The following GRIK4 variants were observed in gnomAD, a reference collection of about 807,000 sequenced individuals.
GRIK4 encodes glutamate receptor ionotropic, kainate 4.
A neutral mutation model predicts 104.9 loss-of-function variants in GRIK4; 40 were observed. The ratio of observed to expected loss-of-function variants is 0.38; its 90% CI spans 0.30 to 0.50. GRIK4 has a LOEUF of 0.50. GRIK4 is among the 20% of genes least tolerant of loss of function. GRIK4 has a pLI of 0.93. For synonymous variants in GRIK4, 485 were observed against 524.9 expected (o/e 0.92, Z 1.04); for missense variants, 1,047 against 1,308.1 (o/e 0.80, Z 3.08).
At chr11:120,580,222 TC>T (rs1948554953) in intron 1 of GRIK4, among the ~76,000 whole-genome samples, 1 of 139,566 alleles carries the variant, frequency 7.2e-6, no homozygotes, top group African/African-American at 3.3e-5. Context: ...TTTCTTTCTT[TC>T]TTTCTTTCTT....
At chr11:120,871,318 G>A in intron 9 of GRIK4, 1 of 288,346 alleles carries the variant, frequency 3.5e-6, no homozygotes, top group Non-Finnish European at 6.9e-6. Flanking sequence ...CATGTGCTCA[G>A]GGGAAAGCGA....
chr11:120,842,771 G>A (rs1591981274), intron 8 of GRIK4, among the ~76,000 whole-genome samples: 2 of 152,234 alleles, frequency 1.3e-5, no homozygotes, highest in East Asian at 3.8e-4. Flanking sequence ...TTGGTTGGGG[G>A]AAACCTTTGT....
At chr11:120,979,799 G>A (rs1944620399) in intron 19 of GRIK4, among the ~76,000 whole-genome samples, 1 of 152,130 alleles carries the variant, frequency 6.6e-6, no homozygotes, top group Non-Finnish European at 1.5e-5. Context: ...CAAGAGGAAT[G>A]CGAGACCCTC....
At chr11:120,761,076 C>T (rs535522974) in intron 3 of GRIK4, among the ~76,000 whole-genome samples, 47 of 152,232 alleles carry the variant, frequency 3.1e-4, no homozygotes, top group African/African-American at 9.6e-4. Flanking sequence ...AGTGTAAAAA[C>T]GTTCCTATTT....
intron 8 of GRIK4, among the ~76,000 whole-genome samples, chr11:120,850,645 G>A (rs1012160854): frequency 6.6e-6 from 1 of 152,168 alleles, no homozygotes; most frequent in Non-Finnish European, 1.5e-5. Flanking sequence ...GGCAAAGGGG[G>A]AAACCAAGGC....
At chr11:120,960,774 T>C (rs1476926955) in intron 16 of GRIK4, 135 bp from the exon 17 acceptor site, 4 of 629,408 alleles carry the variant, frequency 6.4e-6, no homozygotes, top group Non-Finnish European at 1.1e-5. Flanking sequence ...CTCCTTTCTC[T>C]TCCCCCACTA....
chr11:120,874,488 C>G (rs1406729847), intron 10 of GRIK4, among the ~76,000 whole-genome samples: 1 of 152,186 alleles, frequency 6.6e-6, no homozygotes, highest in Non-Finnish European at 1.5e-5. Context: ...CCCCTGAATT[C>G]CAGACTTAGC....
intron 12 of GRIK4, among the ~76,000 whole-genome samples, chr11:120,899,880 C>G (rs1293843705): frequency 6.6e-6 from 1 of 152,206 alleles, no homozygotes; most frequent in Non-Finnish European, 1.5e-5. Flanking sequence ...CCTCCTCAGC[C>G]TTATCATTGC....
chr11:120,606,660 G>T (rs535915756), intron 1 of GRIK4, among the ~76,000 whole-genome samples: 2 of 152,212 alleles, frequency 1.3e-5, no homozygotes, highest in African/African-American at 4.8e-5. Flanking sequence ...TGAGAGTGCC[G>T]CAGGTGTTGG....
intron 3 of GRIK4, among the ~76,000 whole-genome samples, chr11:120,681,172 G>C (rs1950186327): frequency 6.6e-6 from 1 of 152,188 alleles, no homozygotes; most frequent in Non-Finnish European, 1.5e-5. Context: ...TCAAAGACAG[G>C]ATCATCAAAA....
intron 3 of GRIK4, among the ~76,000 whole-genome samples, chr11:120,669,523 C>G (rs763365218): frequency 3.9e-5 from 6 of 152,242 alleles, no homozygotes; most frequent in Non-Finnish European, 8.8e-5. Flanking sequence ...ATCAATAGGA[C>G]CTTCTCCAAC....
intron 7 of GRIK4, among the ~76,000 whole-genome samples, chr11:120,832,245 G>A (rs1488011631): frequency 6.6e-6 from 1 of 152,208 alleles, no homozygotes; most frequent in East Asian, 1.9e-4. Context: ...TGGGGCAGCA[G>A]GGCAGTAGGC....
chr11:120,675,186 C>G (rs187229059), intron 3 of GRIK4, among the ~76,000 whole-genome samples: 2 of 152,342 alleles, frequency 1.3e-5, no homozygotes, highest in East Asian at 3.9e-4. Context: ...ATTTAACCAA[C>G]CTCTTCTTCA....
intron 20 of GRIK4, among the ~76,000 whole-genome samples, chr11:120,983,817 A>T (rs1373670294): frequency 6.6e-6 from 1 of 152,220 alleles, no homozygotes; most frequent in African/African-American, 2.4e-5. Flanking sequence ...GAGCTGCCTG[A>T]AGTAAAGACT....
intron 9 of GRIK4, among the ~76,000 whole-genome samples, chr11:120,866,546 A>C (rs1162244310): frequency 5.9e-5 from 9 of 152,074 alleles, no homozygotes; most frequent in Non-Finnish European, 8.8e-5. Flanking sequence ...CAGACCTCCC[A>C]AGGCCTCAGC....
intron 6 of GRIK4, among the ~76,000 whole-genome samples, chr11:120,820,456 G>T (rs367721546): frequency 6.6e-6 from 1 of 152,308 alleles, no homozygotes; most frequent in East Asian, 1.9e-4. Context: ...GCAAATGCAG[G>T]TTTTGGAAAT....
chr11:120,917,982 T>C (rs1943147518), intron 13 of GRIK4, among the ~76,000 whole-genome samples: 1 of 152,208 alleles, frequency 6.6e-6, no homozygotes, highest in Non-Finnish European at 1.5e-5. Context: ...GGGAATTGAT[T>C]TGGGTCAGAG....
Position 120,832,007 on chromosome 11 carries a change from A to G in GRIK4, c.667A>G (p.Met223Val), listed in dbSNP as rs769095760. Reference protein sequence around the residue: ...ATIIIHANASMSHTILLKAAE... With the variant: ...ATIIIHANASVSHTILLKAAE... ...CATCATCATCCACGCCAACGCCTCC[A>G]TGTCCCACACCATCCTCCTGAAGGT... Residue 223 changes from methionine to valine, a missense_variant, in exon 7 of 21, where the codon ATG (methionine) becomes GTG (valine). By Grantham distance (21) the Met-to-Val change is conservative (BLOSUM62 1). Transcript: ENST00000527524. The G allele has an allele frequency of 8.7e-6, 14 of 1,612,738 alleles. No homozygotes were observed. The highest frequency in any genetic ancestry group is 1.1e-5 in the Non-Finnish European group (13 of 1,179,616).
chr11:120,820,014 G>GCCTCCCCTTCC, intron 6 of GRIK4, 94 bp downstream of exon 6: 1 of 1,228,766 alleles, frequency 8.1e-7, no homozygotes, highest in Non-Finnish European at 1.2e-6. Context: ...CCTCCAGGAA[G>GCCTCCCCTTCC]GGGAGGCTTC....
Sources: allele counts gnomAD v4.1 joint callset (sites outside exome capture counted in the v4.1 genomes callset), GRCh38; gene constraint gnomAD v4.1.1; transcripts MANE v1.5; gene names NCBI Gene and HGNC (gene_info 2026-07-23, HGNC 2026-07-21).